KIF16B: variants seen among roughly 807,000 people sequenced by gnomAD.
KIF16B encodes kinesin family member 16B, also known as kinesin-like protein KIF16B.
KIF16B carries 98 observed loss-of-function variants against 156.3 expected under a neutral mutation model. The observed-to-expected ratio is 0.63, with a 90% CI of 0.53 to 0.74. The LOEUF is 0.74. Among genes scored for constraint, KIF16B ranks in the 30% least tolerant of loss-of-function variants. The pLI, the probability that KIF16B is intolerant of heterozygous loss-of-function variation, is 0.00. For missense variants in KIF16B, 1,421 were observed against 1,606.5 expected, an observed-to-expected ratio of 0.88 and a Z score of 1.97; for synonymous variants, 564 against 583.7, an observed-to-expected ratio of 0.97 and a Z score of 0.49.
rs201128490 is a variant in KIF16B at position 16,512,878 on chromosome 20, G to A, written c.394C>T (p.Arg132Trp). The A allele has an allele frequency of 1.0e-4, 165 of 1,613,770 alleles. 1 individual carries two copies. Among genetic ancestry groups the A allele is most frequent in the African/African-American group, 8.0e-5 (6 of 74,910 alleles). The part of the protein sequence containing the change: ...IPRICEGLFS[R>W]INETTRWDEA... ...TCCCATCTGGTGGTTTCATTTATCCGACTGAAGAGTCCTTCACAGATCCGA... is the reference window on the plus strand; with the variant it reads ...TCCCATCTGGTGGTTTCATTTATCCAACTGAAGAGTCCTTCACAGATCCGA... Residue 132 changes from arginine (R) to tryptophan (W), a missense_variant, in exon 5 of 26, where the codon CGG (arginine) becomes TGG (tryptophan). Arg to Trp is a moderately radical substitution (Grantham distance 101). Transcript: ENST00000354981.
chr20:16,336,226 C>T (rs2064034018), intron 23 of KIF16B, among the ~76,000 whole-genome samples: 1 of 152,128 alleles, frequency 6.6e-6, no homozygotes, highest in South Asian at 2.1e-4. Context: ...GATCTTGTTA[C>T]AGGCAGCTTG....
At chr20:16,319,379 T>C (rs2063742510) in intron 24 of KIF16B, among the ~76,000 whole-genome samples, 1 of 152,176 alleles carries the variant, frequency 6.6e-6, no homozygotes, top group Admixed American at 6.5e-5. Context: ...TCTAAAAGTA[T>C]TCTAAAATAG....
intron 1 of KIF16B, among the ~76,000 whole-genome samples, chr20:16,569,232 C>T (rs1459440489): frequency 1.3e-5 from 2 of 152,164 alleles, no homozygotes; most frequent in Non-Finnish European, 2.9e-5. Flanking sequence ...ACCCAGTTTA[C>T]AGTATTTTGT....
intron 12 of KIF16B, 40 bp downstream of exon 12, chr20:16,494,251 T>A (rs878969360): frequency 4.3e-6 from 5 of 1,172,274 alleles, no homozygotes; most frequent in Non-Finnish European, 6.2e-6. Flanking sequence ...ACCAGTTTAA[T>A]CCACCATAGT....
At chr20:16,291,785 T>C (rs943861717) in intron 25 of KIF16B, among the ~76,000 whole-genome samples, 1 of 152,214 alleles carries the variant, frequency 6.6e-6, no homozygotes, top group Non-Finnish European at 1.5e-5. Context: ...AAACTGCATA[T>C]AAATACAATT....
chr20:16,326,371 A>T (rs1393271255), intron 24 of KIF16B, among the ~76,000 whole-genome samples: 5 of 152,040 alleles, frequency 3.3e-5, no homozygotes, highest in Admixed American at 6.6e-5. Context: ...GACAGCCCAT[A>T]GAGTGGGAGA....
At chr20:16,537,910 G>A (rs1056529287) in intron 1 of KIF16B, among the ~76,000 whole-genome samples, 11 of 151,676 alleles carry the variant, frequency 7.3e-5, no homozygotes, top group Non-Finnish European at 1.6e-4. Context: ...CTCCATGTTG[G>A]CCAGGCTGGT....
At chr20:16,350,339 C>G (rs2064311927) in intron 23 of KIF16B, among the ~76,000 whole-genome samples, 1 of 152,190 alleles carries the variant, frequency 6.6e-6, no homozygotes, top group Non-Finnish European at 1.5e-5. Flanking sequence ...GACAATGGGA[C>G]ACGTGCTTCT....
At chr20:16,451,142 C>T (rs1027011013) in intron 12 of KIF16B, among the ~76,000 whole-genome samples, 1 of 152,164 alleles carries the variant, frequency 6.6e-6, no homozygotes, top group Non-Finnish European at 1.5e-5. Context: ...CTGGAAAATA[C>T]AAATGAGAAA....
At chr20:16,477,503 C>A (rs1162718324) in intron 12 of KIF16B, among the ~76,000 whole-genome samples, 1 of 152,166 alleles carries the variant, frequency 6.6e-6, no homozygotes, top group Non-Finnish European at 1.5e-5. Context: ...TAAATCACAT[C>A]CACTATGACT....
Position 16,406,363 on chromosome 20 carries a change from G to A in KIF16B, c.1695+11C>T, listed in dbSNP as rs530579160. 3.7e-5 allele frequency: 59 copies of A among 1,611,620 alleles called. No individual in the cohort carries two copies. The highest frequency in any genetic ancestry group is 3.6e-4 in the East Asian group (16 of 44,838). ...TCAGTGGTTCCCTCCTAGAGACGCC[G>A]TGTCCCTCACCTTCCTCTTCTCCCT... On this transcript the variant is annotated intron_variant, in intron 16 of 25. Transcript: ENST00000354981.
At chr20:16,406,572 A>C in intron 15 of KIF16B, 116 bp from the exon 16 acceptor site, 1 of 928,628 alleles carries the variant, frequency 1.1e-6, no homozygotes, top group Admixed American at 2.2e-5. Context: ...TAAAATAATA[A>C]GGGAAAGCTT....
At chr20:16,400,945 C>A (rs200480663) in intron 17 of KIF16B, among the ~76,000 whole-genome samples, 1 of 152,180 alleles carries the variant, frequency 6.6e-6, no homozygotes, top group Non-Finnish European at 1.5e-5. Flanking sequence ...CACTACTGAA[C>A]TGTACACTTA....
rs554686638 is a variant in KIF16B at position 16,413,616 on chromosome 20, T to C, written c.1613-7160A>G. Among the ~76,000 whole-genome samples, 13 of 152,262 alleles carry C rather than the reference T, an allele frequency of 8.5e-5. No homozygotes were observed. The South Asian group carries it at 2.7e-3, about 32-fold the overall frequency. On this transcript the variant is annotated intron_variant, in intron 15 of 25. Transcript: ENST00000354981. ...TCCCACAAGTGTGTGGTTCACACTT[T>C]AGAGGCTGTGGTGTCAATAAAAATG...
chr20:16,376,162 T>C (rs976573049), intron 19 of KIF16B, among the ~76,000 whole-genome samples: 1 of 152,214 alleles, frequency 6.6e-6, no homozygotes, highest in African/African-American at 2.4e-5. Flanking sequence ...ATCATGACTA[T>C]TATCATCGTC....
chr20:16,426,085 A>T (rs563963213), intron 15 of KIF16B, among the ~76,000 whole-genome samples: 38 of 152,258 alleles, frequency 2.5e-4, no homozygotes, highest in African/African-American at 8.7e-4. Context: ...CACATGATCC[A>T]ATCACCTCCC....
intron 12 of KIF16B, among the ~76,000 whole-genome samples, chr20:16,443,717 A>T (rs956474456): frequency 6.6e-6 from 1 of 152,214 alleles, no homozygotes; most frequent in Admixed American, 6.5e-5. Flanking sequence ...ATTCACTCAG[A>T]TTATGCAGGA....
At chr20:16,481,062 A>C (rs766458336) in intron 12 of KIF16B, among the ~76,000 whole-genome samples, 2 of 152,108 alleles carry the variant, frequency 1.3e-5, no homozygotes, top group Admixed American at 6.5e-5. Context: ...AACTCTTCTG[A>C]GGCTCAGGAC....
At chr20:16,456,515 C>A (rs372419604) in intron 12 of KIF16B, among the ~76,000 whole-genome samples, 35 of 152,148 alleles carry the variant, frequency 2.3e-4, no homozygotes, top group African/African-American at 8.2e-4. Flanking sequence ...TCTTAACCAA[C>A]AAGATACCTG....
Sources: gnomAD v4.1 joint callset for allele counts (sites outside exome capture counted in the v4.1 genomes callset) on GRCh38, gnomAD v4.1.1 for gene constraint, MANE v1.5 for transcripts, NCBI Gene and HGNC (gene_info 2026-07-23, HGNC 2026-07-21) for gene names.